CD3G: variants seen among roughly 807,000 people sequenced by gnomAD.
The protein encoded by CD3G is T-cell surface glycoprotein CD3 gamma chain.
CD3G carries 24 observed loss-of-function variants against 28.3 expected under a neutral mutation model. The observed-to-expected ratio is 0.85, with a 90% confidence interval of 0.61 to 1.19. The LOEUF (loss-of-function observed/expected upper bound fraction) is 1.19, where lower values mean the gene tolerates loss of function less well. Among genes scored for constraint, CD3G ranks in the 50% most tolerant of loss-of-function variants. CD3G has a pLI of 0.00. For synonymous variants in CD3G, 71 were observed against 75.9 expected, an observed-to-expected ratio of 0.93 and a Z score of 0.34; for missense variants, 211 against 210.0, an observed-to-expected ratio of 1.00 and a Z score of -0.03.
intron 2 of CD3G, 51 bp from the exon 3 acceptor site, chr11:118,349,692 A>AGAATTTC (rs1948387710): frequency 5.9e-6 from 8 of 1,353,564 alleles, no homozygotes; most frequent in Non-Finnish European, 8.5e-6. Context: ...AGAAGCAGGG[A>AGAATTTC]GAATTTCAGA....
Position 118,352,451 on chromosome 11 carries a change from C to T in CD3G, c.531C>T (p.Asn177=), listed in dbSNP as rs201659129. 1 of 1,613,958 alleles carries T rather than the reference C, an allele frequency of 6.2e-7. No individual in the cohort carries two copies. The highest frequency in any genetic ancestry group is 8.5e-7 in the Non-Finnish European group (1 of 1,179,856). ...EDDQYSHLQG[N]QLRRN is the part of the protein sequence containing the mutation. ...ACCAGTACAGCCACCTTCAAGGAAA[C>T]CAGTTGAGGAGGAATTGAACTCAGG... Residue 177 remains asparagine (N), a synonymous_variant, in exon 6 of 7, where the codon AAC becomes AAT. Transcript: ENST00000532917.
At chr11:118,349,634 T>G (rs1267093080) in intron 2 of CD3G, 109 bp from the exon 3 acceptor site, 1 of 856,770 alleles carries the variant, frequency 1.2e-6, no homozygotes, top group Admixed American at 2.0e-5. Context: ...GTGATTCATG[T>G]GCACATCAAA....
rs556472212 is a variant in CD3G, at chr11:118,352,912, C to T, written c.*19-207C>T. On this transcript the variant is annotated intron_variant, in intron 6 of 6. Coordinates refer to ENST00000532917, the MANE Select transcript of CD3G (RefSeq NM_000073.3). ...TCCAGTGTGACAATCAAAAATGTGT[C>T]CAGACATTACCAAATGTGTCCAAAC... Among the ~76,000 whole-genome samples, 27 of 152,276 alleles carry T rather than the reference C, an allele frequency of 1.8e-4. No homozygotes were observed. In the South Asian group the frequency reaches 5.6e-3, roughly 32 times the overall value.
intron 4 of CD3G, among the ~76,000 whole-genome samples, 170 bp from the exon 5 acceptor site, chr11:118,351,458 C>T (rs184721587): frequency 3.3e-4 from 51 of 152,264 alleles, no homozygotes; most frequent in African/African-American, 1.2e-3. Flanking sequence ...GACTCATATA[C>T]TAAGTATTCT....
rs200405767 is a variant in CD3G at position 118,350,539 on chromosome 11, C to T, written c.308-13C>T. ...TTCGCAACCTGAAGGTTTGTCTCTC[C>T]TTTTCCCTACAGTGTGTCAGAACTG... On this transcript the variant is annotated splice_polypyrimidine_tract_variant and intron_variant, in intron 3 of 6. Transcript: ENST00000532917. 92 of 1,602,844 alleles carry T rather than the reference C, an allele frequency of 5.7e-5. No homozygotes were observed. Among genetic ancestry groups the T allele is most frequent in the Non-Finnish European group, 7.2e-5 (84 of 1,170,152 alleles).
intron 4 of CD3G, chr11:118,350,897 A>AAAC (rs1948402964): frequency 8.1e-7 from 1 of 1,233,330 alleles, no homozygotes; most frequent in Non-Finnish European, 1.0e-6. Context: ...GTGAAAAAAA[A>AAAC]AAAAAACAAA....
At chr11:118,350,408 C>A in intron 3 of CD3G, 144 bp from the exon 4 acceptor site, 1 of 739,264 alleles carries the variant, frequency 1.4e-6, no homozygotes, top group Non-Finnish European at 2.4e-6. Flanking sequence ...TGAGTTTTGG[C>A]GCAAGGATCT....
At chr11:118,350,381 A>G (rs1948395594) in intron 3 of CD3G, among the ~76,000 whole-genome samples, 171 bp from the exon 4 acceptor site, 1 of 152,194 alleles carries the variant, frequency 6.6e-6, no homozygotes, top group African/African-American at 2.4e-5. Context: ...GGGGGACTTA[A>G]GAGCATCAAG....
intron 2 of CD3G, chr11:118,349,286 A>G: frequency 1.5e-5 from 22 of 1,434,434 alleles, no homozygotes; most frequent in Non-Finnish European, 2.0e-5. Context: ...CCTAGTAGCT[A>G]GGGACACATC....
chr11:118,351,485 C>A, intron 4 of CD3G, 143 bp from the exon 5 acceptor site: 1 of 740,702 alleles, frequency 1.4e-6, no homozygotes, highest in Non-Finnish European at 2.3e-6. Flanking sequence ...TAGCTTCTTT[C>A]ACTCAACAAC....
chr11:118,347,437 C>T (rs1362240335), intron 1 of CD3G, among the ~76,000 whole-genome samples: 1 of 152,130 alleles, frequency 6.6e-6, no homozygotes, highest in East Asian at 1.9e-4. Flanking sequence ...TTTTTCACTT[C>T]ATTCATAAAC....
rs1948437407 is a variant in CD3G, at chr11:118,354,865, C to T, written c.*1765C>T. 6.6e-6 allele frequency: 1 copy of T among 152,082 alleles called. No individual in the cohort carries two copies. The highest frequency in any genetic ancestry group is 1.5e-5 in the Non-Finnish European group (1 of 68,026). The allele number at this position is 152,082 out of a possible 1,614,324, so 9.4% of individuals were successfully genotyped here. A position where few individuals can be genotyped will look rare whatever the true frequency, so the allele number is the denominator to read the frequency against. On this transcript the variant is annotated 3_prime_UTR_variant, in exon 7 of 7. Coordinates refer to ENST00000532917, the MANE Select transcript of CD3G (RefSeq NM_000073.3). The stretch of plus-strand genomic sequence containing the variant: ...TATGTTTTTGATATAAGTCCTTTAT[C>T]AGATATATGATTTGGAAATATTTTC...
chr11:118,350,295 A>G (rs781776055), intron 3 of CD3G: 1 of 578,620 alleles, frequency 1.7e-6, no homozygotes, highest in Non-Finnish European at 3.1e-6. Context: ...GCAGTGGAGC[A>G]TGAAGAGTAT....
In CD3G at chr11:118,351,202, A is replaced by AC. The variant is rs1424315331; in HGVS notation, c.440-426_440-425insC. 2.5e-3 allele frequency among the ~76,000 whole-genome samples: 380 copies of AC among 151,692 alleles called. 2 individuals are homozygous for AC. Among genetic ancestry groups the AC allele is most frequent in the Admixed American group, 7.9e-3 (120 of 15,222 alleles). The stretch of plus-strand genomic sequence containing the variant: ...ACTCCGTCTCAAAAAAAAAAAAAAA[A>AC]AAAACTATTTTAAGTAAACCCTTAC... On this transcript the variant is annotated intron_variant, in intron 4 of 6. Coordinates refer to ENST00000532917, the MANE Select transcript of CD3G (RefSeq NM_000073.3).
intron 2 of CD3G, chr11:118,349,361 C>A: frequency 1.7e-6 from 2 of 1,163,236 alleles, no homozygotes; most frequent in Non-Finnish European, 2.3e-6. Context: ...TAGTCTCTGT[C>A]AATCCTTCTC....
In CD3G at chr11:118,352,323, T is replaced by TA. The variant is rs1469322946; in HGVS notation, c.484-75dup. 4.2e-6 allele frequency: 5 copies of TA among 1,191,964 alleles called. No individual in the cohort carries two copies. In the Admixed American group the frequency reaches 8.4e-5, roughly 20 times the overall value. The allele number at this position is 1,191,964 out of a possible 1,614,324, so 73.8% of individuals were successfully genotyped here. A position where few individuals can be genotyped will look rare whatever the true frequency, so the allele number is the denominator to read the frequency against. On this transcript the variant is annotated intron_variant, in intron 5 of 6. Coordinates refer to ENST00000532917, the MANE Select transcript of CD3G (RefSeq NM_000073.3). ...AGTACCCACTCCAAATTCTCACATA[T>TA]AAAAAACATTCAATAAACATGCATC...
At chr11:118,350,061 ATCC>A in intron 3 of CD3G, 91 bp downstream of exon 3, 2 of 930,334 alleles carry the variant, frequency 2.1e-6, no homozygotes. Context: ...GTGGAAATAG[ATCC>A]TCAACAGTAA....
intron 4 of CD3G, chr11:118,350,904 C>CAAAAAAAAAA (rs978981914): frequency 2.3e-6 from 2 of 862,282 alleles, no homozygotes; most frequent in Non-Finnish European, 2.9e-6. Flanking sequence ...AAAAAAAAAA[C>CAAAAAAAAAA]AAAAACAGGC....
In CD3G at chr11:118,353,554, A is replaced by G. The variant is rs1948427606; in HGVS notation, c.*454A>G. 9.7e-6 allele frequency: 1 copy of G among 102,696 alleles called. No individual in the cohort carries two copies. Among genetic ancestry groups the G allele is most frequent in the African/African-American group, 3.8e-5 (1 of 26,628 alleles). 6.4% of individuals were successfully genotyped at this position (102,696 alleles called of 1,614,324 possible). On this transcript the variant is annotated 3_prime_UTR_variant, in exon 7 of 7. Transcript: ENST00000532917. ...TTTTTTTTTTTTTTTTTTTTTTGAGACAGTCTGGCTCTGTCACCCAGGCTG... is the reference window on the plus strand; with the variant it reads ...TTTTTTTTTTTTTTTTTTTTTTGAGGCAGTCTGGCTCTGTCACCCAGGCTG...
Sources: allele counts gnomAD v4.1 joint callset (sites outside exome capture counted in the v4.1 genomes callset), GRCh38; gene constraint gnomAD v4.1.1; transcripts MANE v1.5; gene names NCBI Gene and HGNC (gene_info 2026-07-23, HGNC 2026-07-21).